DACH1: variants seen among roughly 807,000 people sequenced by gnomAD.
The protein encoded by DACH1 is dachshund homolog 1.
Under a neutral mutation model 54.2 loss-of-function variants are expected in DACH1, and 12 were observed. That is an observed-to-expected ratio of 0.22 (90% CI 0.14 to 0.36). The LOEUF (loss-of-function observed/expected upper bound fraction) is 0.36, where lower values mean the gene tolerates loss of function less well. DACH1 is among the 10% of genes least tolerant of loss of function. The pLI, the probability that DACH1 is intolerant of heterozygous loss-of-function variation, is 1.00. For missense variants in DACH1, 805 were observed against 929.8 expected, an observed-to-expected ratio of 0.87 and a Z score of 1.75; for synonymous variants, 386 against 366.2, an observed-to-expected ratio of 1.05 and a Z score of -0.62.
rs1335037329 is a variant in DACH1, at chr13:71,613,935, C to T, written c.1126+16621G>A. On this transcript the variant is annotated intron_variant, in intron 3 of 10. Coordinates refer to ENST00000613252, the MANE Select transcript of DACH1 (RefSeq NM_080759.6). The stretch of plus-strand genomic sequence containing the variant: ...CCATGTTGCCCAGGCTGGGCTCCTG[C>T]CTTGGCTTCCAAAAAGTACCGGGAT... 2.6e-5 allele frequency among the ~76,000 whole-genome samples: 4 copies of T among 152,024 alleles called. No homozygotes were observed. The South Asian group carries it at 8.3e-4, about 31-fold the overall frequency.
chr13:71,736,873 T>G (rs1447505807), intron 1 of DACH1, among the ~76,000 whole-genome samples: 1 of 152,186 alleles, frequency 6.6e-6, no homozygotes, highest in African/African-American at 2.4e-5. Context: ...CAGACACAGA[T>G]CCTGTCTTCT....
At chr13:71,602,923 T>G (rs1249301381) in intron 3 of DACH1, among the ~76,000 whole-genome samples, 1 of 151,970 alleles carries the variant, frequency 6.6e-6, no homozygotes, top group African/African-American at 2.4e-5. Flanking sequence ...ATGTTTTCAT[T>G]GAGAATGTGT....
intron 1 of DACH1, among the ~76,000 whole-genome samples, chr13:71,740,481 A>C (rs776221960): frequency 6.6e-6 from 1 of 152,212 alleles, no homozygotes; most frequent in African/African-American, 2.4e-5. Flanking sequence ...TTTAAAGATC[A>C]CATAGAAATC....
chr13:71,564,985 A>C (rs1593903686), intron 4 of DACH1, among the ~76,000 whole-genome samples: 1 of 152,086 alleles, frequency 6.6e-6, no homozygotes, highest in East Asian at 1.9e-4. Context: ...GCAGTGGCAC[A>C]ATCTCGGCTC....
chr13:71,669,372 T>C (rs1375187915), intron 2 of DACH1, among the ~76,000 whole-genome samples: 1 of 152,192 alleles, frequency 6.6e-6, no homozygotes, highest in Non-Finnish European at 1.5e-5. Flanking sequence ...AACCCTATTG[T>C]GAACTGCACA....
chr13:71,826,234 T>C (rs1888374783), intron 1 of DACH1, among the ~76,000 whole-genome samples: 1 of 152,154 alleles, frequency 6.6e-6, no homozygotes, highest in Non-Finnish European at 1.5e-5. Context: ...GTATGACATA[T>C]TGCTATTTTG....
intron 6 of DACH1, among the ~76,000 whole-genome samples, chr13:71,529,544 G>A (rs569688012): frequency 4.9e-4 from 74 of 152,094 alleles, no homozygotes; most frequent in Non-Finnish European, 2.2e-4. Flanking sequence ...CTGCAATGTG[G>A]ACCCAGGTTC....
At chr13:71,709,205 A>T (rs912660658) in intron 1 of DACH1, among the ~76,000 whole-genome samples, 3 of 151,994 alleles carry the variant, frequency 2.0e-5, no homozygotes, top group African/African-American at 7.2e-5. Flanking sequence ...TTATATATGT[A>T]CTTTTTTAAA....
At chr13:71,489,297 T>G in intron 6 of DACH1, 149 bp from the exon 7 acceptor site, 2 of 844,442 alleles carry the variant, frequency 2.4e-6, no homozygotes. Context: ...GAATTTTCTT[T>G]AATGAAAAAG....
chr13:71,606,234 A>C (rs1874873362), intron 3 of DACH1, among the ~76,000 whole-genome samples: 1 of 152,068 alleles, frequency 6.6e-6, no homozygotes, highest in South Asian at 2.1e-4. Context: ...AAACAGAATA[A>C]AATTGAATGT....
intron 6 of DACH1, among the ~76,000 whole-genome samples, chr13:71,519,098 CTA>C (rs1436770800): frequency 6.6e-6 from 1 of 151,750 alleles, no homozygotes; most frequent in Admixed American, 6.6e-5. Context: ...AAAATATTTA[CTA>C]TCTCTCCCTT....
chr13:71,752,070 A>T (rs539630957), intron 1 of DACH1, among the ~76,000 whole-genome samples: 1 of 152,300 alleles, frequency 6.6e-6, no homozygotes, highest in South Asian at 2.1e-4. Context: ...AGTCACTGAA[A>T]TGCCATCCTC....
chr13:71,822,844 G>A (rs564932439), intron 1 of DACH1, among the ~76,000 whole-genome samples: 1 of 151,864 alleles, frequency 6.6e-6, no homozygotes, highest in Admixed American at 6.6e-5. Context: ...AACATCTCTC[G>A]CTTTTATTAT....
chr13:71,737,364 G>C (rs1370139833), intron 1 of DACH1, among the ~76,000 whole-genome samples: 1 of 152,134 alleles, frequency 6.6e-6, no homozygotes, highest in South Asian at 2.1e-4. Context: ...CTTGGAATTC[G>C]AGACTTGGGG....
chr13:71,499,708 A>C (rs1879751278), intron 6 of DACH1, among the ~76,000 whole-genome samples: 1 of 152,174 alleles, frequency 6.6e-6, no homozygotes, highest in Admixed American at 6.6e-5. Flanking sequence ...CCTCACAGTA[A>C]AACATCACTT....
chr13:71,616,568 C>T (rs1253350223), intron 3 of DACH1, among the ~76,000 whole-genome samples: 2 of 151,852 alleles, frequency 1.3e-5, no homozygotes, highest in African/African-American at 4.8e-5. Context: ...GCAACAATGT[C>T]TCTACAAGAA....
chr13:71,486,053 C>A (rs1878477127), intron 7 of DACH1, among the ~76,000 whole-genome samples: 1 of 151,566 alleles, frequency 6.6e-6, no homozygotes, highest in African/African-American at 2.4e-5. Context: ...TATAGATCTT[C>A]TTTTAAAACA....
At chr13:71,823,057 C>T (rs1380853194) in intron 1 of DACH1, among the ~76,000 whole-genome samples, 3 of 151,980 alleles carry the variant, frequency 2.0e-5, no homozygotes, top group Admixed American at 1.3e-4. Flanking sequence ...CATGCCCTGA[C>T]TCATTATTTT....
In DACH1 at chr13:71,586,512, C is replaced by G. The variant is rs181008459; in HGVS notation, c.1127-13500G>C. 3.9e-5 allele frequency among the ~76,000 whole-genome samples: 6 copies of G among 152,146 alleles called. No homozygotes were observed. In the East Asian group the frequency reaches 9.7e-4, roughly 25 times the overall value. On this transcript the variant is annotated intron_variant, in intron 3 of 10. Coordinates refer to ENST00000613252, the MANE Select transcript of DACH1 (RefSeq NM_080759.6). ...CAGCAGATAGGAAAACAGTGTAATA[C>G]TCTGACATTGAAACAGTATTACACA... is the stretch of plus-strand genomic sequence containing the variant.
Sources: allele counts gnomAD v4.1 joint callset (sites outside exome capture counted in the v4.1 genomes callset), GRCh38; gene constraint gnomAD v4.1.1; transcripts MANE v1.5; gene names NCBI Gene and HGNC (gene_info 2026-07-23, HGNC 2026-07-21).